Variants in PDGFRA observed in about 807,000 individuals in gnomAD.
PDGFRA encodes the protein platelet derived growth factor receptor alpha.
PDGFRA carries 25 observed loss-of-function variants against 121.5 expected under a neutral mutation model. The ratio of observed to expected loss-of-function variants is 0.21; its 90% CI spans 0.15 to 0.29. PDGFRA has a LOEUF of 0.29. Ranked by LOEUF, PDGFRA falls within the 10% of genes least tolerant of loss-of-function variation. The pLI is 1.00. For synonymous variants in PDGFRA, 463 were observed against 494.8 expected (o/e 0.94, Z 0.85); for missense variants, 1,008 against 1,345.1 (o/e 0.75, Z 3.92).
At chr4:54,288,723 G>A in intron 19 of PDGFRA, 76 bp from the exon 20 acceptor site, 1 of 864,970 alleles carries the variant, frequency 1.2e-6, no homozygotes, top group Non-Finnish European at 2.0e-6. Flanking sequence ...TTTTCTAACA[G>A]TGTTCTATCA....
chr4:54,276,411 C>T (rs889857575), intron 12 of PDGFRA, among the ~76,000 whole-genome samples: 1 of 152,112 alleles, frequency 6.6e-6, no homozygotes, highest in African/African-American at 2.4e-5. Context: ...TATTGCAATT[C>T]CCCTGTCTTG....
In PDGFRA at chr4:54,272,430, A is replaced by G. The variant is rs769631321; in HGVS notation, c.1274A>G (p.His425Arg). The change falls in exon 9 of 23, where the codon CAT becomes CGT. Residue 425 changes from histidine to arginine, a missense_variant. Physicochemically the swap from His to Arg is conservative, Grantham distance 29 (BLOSUM62 0). Around this residue, in one of 5 missense-constraint regions of PDGFRA, gnomAD observed 575 missense variants for 701.8 expected, o/e 0.82. Coordinates refer to ENST00000257290, the MANE Select transcript of PDGFRA (RefSeq NM_006206.6). ...SSILDLVDDH[H>R]GSTGGQTVRC... ...ATTCTGGACTTGGTCGATGATCACC[A>G]TGGCTCAACTGGGGGACAGACGGTG... 27 of 1,613,874 alleles carry G rather than the reference A, an allele frequency of 1.7e-5. No individual in the cohort carries two copies. The highest frequency in any genetic ancestry group is 5.0e-5 in the Admixed American group (3 of 59,994).
At chr4:54,287,235 G>T (rs923526812) in intron 18 of PDGFRA, among the ~76,000 whole-genome samples, 195 bp from the exon 19 acceptor site, 2 of 152,176 alleles carry the variant, frequency 1.3e-5, no homozygotes, top group Non-Finnish European at 2.9e-5. Flanking sequence ...CATTCATCTA[G>T]TATTTATTGA....
intron 22 of PDGFRA, among the ~76,000 whole-genome samples, chr4:54,291,678 T>C (rs904673378): frequency 1.3e-5 from 2 of 152,168 alleles, no homozygotes; most frequent in African/African-American, 4.8e-5. Context: ...ACACTGCTTG[T>C]TGAAGTGCAA....
intron 22 of PDGFRA, among the ~76,000 whole-genome samples, chr4:54,294,229 A>T (rs1285776575): frequency 6.6e-6 from 1 of 151,852 alleles, no homozygotes; most frequent in African/African-American, 2.4e-5. Context: ...GGGGTCTGCG[A>T]TGGAACTTCA....
In PDGFRA at chr4:54,272,517, A is replaced by G. The variant is rs560971320; in HGVS notation, c.1361A>G (p.Lys454Arg). 6.2e-7 allele frequency: 1 copy of G among 1,613,912 alleles called. No homozygotes were observed. Among genetic ancestry groups the G allele is most frequent in the Non-Finnish European group, 8.5e-7 (1 of 1,179,976 alleles). ...DIEWMICKDI[K>R]KCNNETSWTI... ...GAGTGGATGATATGCAAAGATATTAAGAAGTATGGAAAACAGATGTGTCTT... is the reference window on the plus strand; with the variant it reads ...GAGTGGATGATATGCAAAGATATTAGGAAGTATGGAAAACAGATGTGTCTT... The change falls in exon 9 of 23, where the codon AAG becomes AGG. Residue 454 changes from lysine to arginine, a missense_variant. Transcript: ENST00000257290.
At chr4:54,250,824 G>A (rs1722016466) in intron 1 of PDGFRA, among the ~76,000 whole-genome samples, 1 of 152,136 alleles carries the variant, frequency 6.6e-6, no homozygotes, top group African/African-American at 2.4e-5. Flanking sequence ...CAGCACTTTG[G>A]GAGGCTGAGG....
chr4:54,258,984 T>A (rs530843896), intron 2 of PDGFRA, among the ~76,000 whole-genome samples, 167 bp downstream of exon 2: 1 of 152,326 alleles, frequency 6.6e-6, no homozygotes, highest in Non-Finnish European at 1.5e-5. Flanking sequence ...TTCAGTTCCC[T>A]TTGCTGTATT....
At chr4:54,279,902 T>TTATATATATATATATATA (rs34230327) in intron 15 of PDGFRA, among the ~76,000 whole-genome samples, 7 of 147,604 alleles carry the variant, frequency 4.7e-5, no homozygotes, top group African/African-American at 1.8e-4. Context: ...TATAGCTGAG[T>TTATATATATATATATATA]TACATATATA....
chr4:54,282,046 T>C (rs748630536), intron 16 of PDGFRA: 30 of 803,590 alleles, frequency 3.7e-5, no homozygotes, highest in East Asian at 7.2e-5. Context: ...TGTGTTTATG[T>C]GTATGTGTGT....
intron 1 of PDGFRA, among the ~76,000 whole-genome samples, chr4:54,241,196 T>C (rs1437001316): frequency 6.6e-6 from 1 of 152,230 alleles, no homozygotes; most frequent in East Asian, 1.9e-4. Context: ...TATGTGGGGT[T>C]TAAAATATGA....
intron 16 of PDGFRA, among the ~76,000 whole-genome samples, chr4:54,284,564 CAG>C (rs59292448): frequency 0.073 from 4,063 of 55,860 alleles, 149 homozygotes; most frequent in African/African-American, 0.15. Flanking sequence ...GAGAGAGAGA[CAG>C]AGAGAGAGAG....
chr4:54,238,945 C>T (rs1174608726), intron 1 of PDGFRA, among the ~76,000 whole-genome samples: 1 of 151,964 alleles, frequency 6.6e-6, no homozygotes, highest in Non-Finnish European at 1.5e-5. Flanking sequence ...TGCACTCCAG[C>T]CTGGGTGATG....
chr4:54,277,923 C>A lies in PDGFRA; in HGVS notation c.1919C>A (p.Ala640Asp), dbSNP rs2110311113. The A allele has an allele frequency of 6.2e-7, 1 of 1,613,362 alleles. No individual in the cohort carries two copies. The highest frequency in any genetic ancestry group is 8.5e-7 in the Non-Finnish European group (1 of 1,179,316). The change falls in exon 14 of 23, where the codon GCT becomes GAT. Residue 640 changes from alanine (A) to aspartate (D), a missense_variant. By Grantham distance (126) the Ala-to-Asp change is moderately radical (BLOSUM62 -2). This residue lies in a region of PDGFRA where 61 missense variants were observed against 125.3 expected (regional missense o/e 0.49). Coordinates refer to ENST00000257290, the MANE Select transcript of PDGFRA (RefSeq NM_006206.6). ...KPTARSSEKQ[A>D]LMSELKIMTH... ...ACGGCCAGATCCAGTGAAAAACAAG[C>A]TCTCATGTCTGAACTGAAGATAATG... is the stretch of plus-strand genomic sequence containing the variant.
At chr4:54,274,742 G>T in intron 11 of PDGFRA, 99 bp from the exon 12 acceptor site, 1 of 1,481,406 alleles carries the variant, frequency 6.8e-7, no homozygotes, top group Non-Finnish European at 9.4e-7. Context: ...AGTGAACGTT[G>T]TTGGACTCTA....
Position 54,297,809 on chromosome 4 carries a change from C to T in PDGFRA, c.*2537C>T, listed in dbSNP as rs574284320. 2.0e-3 allele frequency: 459 copies of T among 233,502 alleles called. 4 individuals are homozygous for T. Among genetic ancestry groups the T allele is most frequent in the African/African-American group, 9.4e-3 (425 of 45,418 alleles). 14.5% of individuals were successfully genotyped at this position (233,502 alleles called of 1,614,324 possible). On this transcript the variant is annotated 3_prime_UTR_variant, in exon 23 of 23. Transcript: ENST00000257290. The stretch of plus-strand genomic sequence containing the variant: ...GAAACACTATTTGTGACTTTTTAAA[C>T]GATTAGTGATGTCCTTAAAATGTGG...
intron 21 of PDGFRA, 51 bp downstream of exon 21, chr4:54,289,165 C>A: frequency 9.7e-7 from 1 of 1,035,606 alleles, no homozygotes; most frequent in Non-Finnish European, 1.5e-6. Context: ...GGAAGTTATA[C>A]CAGTGAGCTG....
chr4:54,233,318 C>G (rs1355210801), intron 1 of PDGFRA, among the ~76,000 whole-genome samples: 2 of 152,190 alleles, frequency 1.3e-5, no homozygotes, highest in African/African-American at 4.8e-5. Context: ...GGTCAGAAGC[C>G]GGACAGTGGC....
At position 54,277,133 on chromosome 4, in the gene PDGFRA, G is replaced by A. The variant is rs1019233532; in HGVS notation, c.1787-255G>A. On this transcript the variant is annotated intron_variant, in intron 12 of 22. Transcript: ENST00000257290. Reference sequence around the variant, plus strand: ...TGGTAGACAGCGCGCTCACACCAGGGAGGGCTGCACCCTCCTTTCTCCCGT... The same window carrying A: ...TGGTAGACAGCGCGCTCACACCAGGAAGGGCTGCACCCTCCTTTCTCCCGT... 8.3e-5 allele frequency: 43 copies of A among 517,948 alleles called. 1 individual carries two copies. The Middle Eastern group carries it at 1.6e-3, about 20-fold the overall frequency. The allele number at this position is 517,948 out of a possible 1,614,324, so 32.1% of individuals were successfully genotyped here.
Sources: gnomAD v4.1 joint callset for allele counts (sites outside exome capture counted in the v4.1 genomes callset) on GRCh38, gnomAD v4.1.1 for gene constraint, gnomAD v4.1.1 regional missense constraint, MANE v1.5 for transcripts, NCBI Gene and HGNC (gene_info 2026-07-23, HGNC 2026-07-21) for gene names.